Variants in EXOC4 observed in about 807,000 individuals in gnomAD.
EXOC4 encodes exocyst complex component 4.
Under a neutral mutation model 107.2 loss-of-function variants are expected in EXOC4, and 71 were observed. The observed-to-expected ratio is 0.66, with a 90% confidence interval of 0.55 to 0.81. The LOEUF is 0.81. EXOC4 is among the 30% of genes least tolerant of loss of function. The pLI, the probability that EXOC4 is intolerant of heterozygous loss-of-function variation, is 0.00. For missense variants in EXOC4, 1,108 were observed against 1,189.6 expected (o/e 0.93, Z 1.01); for synonymous variants, 456 against 441.2 (o/e 1.03, Z -0.42).
chr7:133,822,918 G>T (rs552413260), intron 11 of EXOC4, among the ~76,000 whole-genome samples: 208 of 152,334 alleles, frequency 1.4e-3, no homozygotes, highest in African/African-American at 4.5e-3. Context: ...TTTGTTTCAT[G>T]CAGGCCCAGG....
chr7:133,350,182 A>C (rs747608733), intron 5 of EXOC4, among the ~76,000 whole-genome samples: 38 of 152,214 alleles, frequency 2.5e-4, no homozygotes, highest in East Asian at 1.7e-3. Context: ...ATTTTCATGC[A>C]GTCCAATTTG....
intron 7 of EXOC4, among the ~76,000 whole-genome samples, chr7:133,455,361 C>T (rs745728262): frequency 5.9e-5 from 9 of 151,884 alleles, no homozygotes; most frequent in Non-Finnish European, 8.8e-5. Flanking sequence ...TGACTAAAAC[C>T]GTGGAAAGCA....
chr7:134,058,209 G>A (rs1795974925), intron 17 of EXOC4, among the ~76,000 whole-genome samples: 1 of 152,136 alleles, frequency 6.6e-6, no homozygotes, highest in Admixed American at 6.5e-5. Context: ...AATGTTGGGA[G>A]CTACAGTCAA....
intron 7 of EXOC4, among the ~76,000 whole-genome samples, chr7:133,415,176 A>G (rs1012656737): frequency 1.4e-5 from 2 of 146,960 alleles, no homozygotes; most frequent in Non-Finnish European, 3.0e-5. Context: ...GTATCCATTC[A>G]TTAGTTGAAC....
intron 17 of EXOC4, among the ~76,000 whole-genome samples, chr7:134,019,296 C>T (rs1449627617): frequency 6.6e-6 from 1 of 152,080 alleles, no homozygotes; most frequent in East Asian, 1.9e-4. Flanking sequence ...AGTTTTTGTA[C>T]CTAGCTTTAC....
chr7:134,003,901 C>A (rs563182798), intron 15 of EXOC4, among the ~76,000 whole-genome samples: 42 of 152,206 alleles, frequency 2.8e-4, no homozygotes, highest in Non-Finnish European at 5.6e-4. Flanking sequence ...TAATATCTGC[C>A]AAAAAGCACC....
Position 133,938,102 on chromosome 7 carries a change from A to G in EXOC4, c.2206+33A>G, listed in dbSNP as rs753534884. 1.9e-6 allele frequency: 3 copies of G among 1,609,400 alleles called. No homozygotes were observed. The East Asian group carries it at 6.7e-5, about 36-fold the overall frequency. ...TCTAGTAGGAAGCTGTTGTGGGGACAGTTGAGGAACTAGACTGAATGCATT... is the reference window on the plus strand; with the variant it reads ...TCTAGTAGGAAGCTGTTGTGGGGACGGTTGAGGAACTAGACTGAATGCATT... On this transcript the variant is annotated intron_variant, in intron 14 of 17. Coordinates refer to ENST00000253861, the MANE Select transcript of EXOC4 (RefSeq NM_021807.4).
intron 9 of EXOC4, among the ~76,000 whole-genome samples, chr7:133,573,600 GTCT>G (rs576277317): frequency 9.1e-4 from 138 of 152,170 alleles, no homozygotes; most frequent in African/African-American, 3.1e-3. Context: ...TTACAGTCAC[GTCT>G]TCTTTCTTTC....
At chr7:133,424,459 C>A (rs376242689) in intron 7 of EXOC4, among the ~76,000 whole-genome samples, 1 of 151,980 alleles carries the variant, frequency 6.6e-6, no homozygotes, top group Non-Finnish European at 1.5e-5. Context: ...CACATCTGAA[C>A]ATCTGAAGCA....
chr7:133,629,926 T>C, intron 9 of EXOC4, 119 bp from the exon 10 acceptor site: 2 of 671,124 alleles, frequency 3.0e-6, no homozygotes, highest in South Asian at 3.8e-5. Flanking sequence ...ATACCGAAGG[T>C]TACTGTTTGC....
At chr7:133,308,879 C>T (rs193025185) in intron 4 of EXOC4, among the ~76,000 whole-genome samples, 1 of 152,126 alleles carries the variant, frequency 6.6e-6, no homozygotes, top group Non-Finnish European at 1.5e-5. Context: ...TTATTTCGTT[C>T]CTGGTGGCTA....
At chr7:133,754,791 C>A (rs1413543574) in intron 10 of EXOC4, among the ~76,000 whole-genome samples, 1 of 152,072 alleles carries the variant, frequency 6.6e-6, no homozygotes, top group Admixed American at 6.6e-5. Context: ...TTTAGAAGGG[C>A]TAAGAAGTAT....
chr7:133,985,614 T>G (rs1360399148), intron 14 of EXOC4, among the ~76,000 whole-genome samples: 1 of 152,258 alleles, frequency 6.6e-6, no homozygotes, highest in East Asian at 1.9e-4. Context: ...CTCGTAAGAC[T>G]CTTAACCTTC....
chr7:133,852,708 T>A (rs1307977403), intron 11 of EXOC4, among the ~76,000 whole-genome samples: 1 of 152,182 alleles, frequency 6.6e-6, no homozygotes, highest in Non-Finnish European at 1.5e-5. Flanking sequence ...CCCCCGCTTT[T>A]AAAAAAATAA....
intron 11 of EXOC4, among the ~76,000 whole-genome samples, chr7:133,823,618 C>T (rs1797578082): frequency 6.6e-6 from 1 of 151,006 alleles, no homozygotes; most frequent in African/African-American, 2.4e-5. Context: ...AGTTCAAGAG[C>T]AGCCTGGCCA....
chr7:133,803,796 A>G (rs1404422630), intron 10 of EXOC4, among the ~76,000 whole-genome samples: 1 of 152,198 alleles, frequency 6.6e-6, no homozygotes, highest in Non-Finnish European at 1.5e-5. Context: ...AAACATAAAT[A>G]AAATAGAAAG....
chr7:133,534,472 G>T (rs1021916599), intron 9 of EXOC4, among the ~76,000 whole-genome samples: 1 of 152,086 alleles, frequency 6.6e-6, no homozygotes, highest in Non-Finnish European at 1.5e-5. Context: ...TGAACTTGCT[G>T]ATTAGTAAAG....
At chr7:133,613,662 G>C (rs1802123990) in intron 9 of EXOC4, among the ~76,000 whole-genome samples, 1 of 152,076 alleles carries the variant, frequency 6.6e-6, no homozygotes, top group Non-Finnish European at 1.5e-5. Flanking sequence ...GTCTGCAGCT[G>C]TGGTTTCTTG....
intron 14 of EXOC4, among the ~76,000 whole-genome samples, chr7:133,971,929 C>T (rs1801249791): frequency 6.6e-6 from 1 of 152,190 alleles, no homozygotes; most frequent in East Asian, 1.9e-4. Flanking sequence ...ATGGGGCATC[C>T]CTCCTCACTT....
Sources: gnomAD v4.1 joint callset for allele counts (sites outside exome capture counted in the v4.1 genomes callset) on GRCh38, gnomAD v4.1.1 for gene constraint, MANE v1.5 for transcripts, NCBI Gene and HGNC (gene_info 2026-07-23, HGNC 2026-07-21) for gene names.